Variants in EXOC4 observed in about 807,000 individuals in gnomAD.
EXOC4 encodes SEC8-like 1.
EXOC4 carries 71 observed loss-of-function variants against 107.2 expected under a neutral mutation model. The observed-to-expected ratio is 0.66, with a 90% CI of 0.55 to 0.81. The LOEUF (loss-of-function observed/expected upper bound fraction) is 0.81, where lower values mean the gene tolerates loss of function less well. Among genes scored for constraint, EXOC4 ranks in the 30% least tolerant of loss-of-function variants. The pLI is 0.00. For synonymous variants in EXOC4, 456 were observed against 441.2 expected (o/e 1.03, Z -0.42); for missense variants, 1,108 against 1,189.6 (o/e 0.93, Z 1.01).
chr7:133,278,943 A>G (rs1161717078), intron 2 of EXOC4, among the ~76,000 whole-genome samples: 3 of 152,092 alleles, frequency 2.0e-5, no homozygotes, highest in South Asian at 2.1e-4. Context: ...AGCATTAGGT[A>G]TATATCCTAA....
intron 11 of EXOC4, among the ~76,000 whole-genome samples, chr7:133,845,335 A>AGTGTGTGTGTGTGTGTGTGTGTGTGT (rs34845137): frequency 5.1e-5 from 7 of 138,012 alleles, no homozygotes; most frequent in African/African-American, 1.9e-4. Context: ...GCAGGTTAGT[A>AGTGTGTGTGTGTGTGTGTGTGTGTGT]GTGTGTGTGT....
chr7:133,931,096 G>A (rs1289530563), intron 13 of EXOC4, among the ~76,000 whole-genome samples: 3 of 151,950 alleles, frequency 2.0e-5, no homozygotes. Flanking sequence ...CTATTTTCCA[G>A]TGAGGTTTCC....
chr7:133,577,866 A>T (rs1033242194), intron 9 of EXOC4, among the ~76,000 whole-genome samples: 10 of 152,212 alleles, frequency 6.6e-5, no homozygotes, highest in African/African-American at 2.4e-4. Flanking sequence ...AAAAAAGTTA[A>T]AATCAGAAAA....
intron 7 of EXOC4, among the ~76,000 whole-genome samples, chr7:133,450,150 T>A (rs909414544): frequency 2.0e-5 from 3 of 152,018 alleles, no homozygotes; most frequent in African/African-American, 7.2e-5. Context: ...TTACTGAAAA[T>A]TTTTTGTTTC....
intron 12 of EXOC4, among the ~76,000 whole-genome samples, chr7:133,902,979 C>T (rs1799488389): frequency 6.6e-6 from 1 of 151,926 alleles, no homozygotes; most frequent in South Asian, 2.1e-4. Context: ...ATAGGATGCC[C>T]CAGGGAGGCT....
chr7:133,344,330 C>T (rs1333960736), intron 5 of EXOC4, among the ~76,000 whole-genome samples: 1 of 152,130 alleles, frequency 6.6e-6, no homozygotes, highest in Non-Finnish European at 1.5e-5. Flanking sequence ...AGGGAATTTA[C>T]CTCTGTTGCT....
chr7:133,322,261 T>G (rs181021800), intron 5 of EXOC4, among the ~76,000 whole-genome samples: 21 of 152,198 alleles, frequency 1.4e-4, no homozygotes, highest in Admixed American at 9.8e-4. Context: ...TTGTTGCCAT[T>G]GCTTTTGGTG....
At chr7:134,093,586 A>T in the EXOC4 span, among the ~76,000 whole-genome samples, 1 of 152,164 alleles carries the variant, frequency 6.6e-6, no homozygotes, top group Non-Finnish European at 1.5e-5. Flanking sequence ...TATTAGATAT[A>T]TGCAGAATAC....
intron 16 of EXOC4, 98 bp downstream of exon 16, chr7:134,005,188 A>G (rs1016713346): frequency 7.8e-7 from 1 of 1,280,950 alleles, no homozygotes; most frequent in Non-Finnish European, 1.1e-6. Context: ...TGTAGAAAAG[A>G]GTTGTTTGCT....
At chr7:133,869,762 A>G (rs990489470) in intron 11 of EXOC4, among the ~76,000 whole-genome samples, 12 of 152,220 alleles carry the variant, frequency 7.9e-5, no homozygotes, top group South Asian at 4.1e-4. Flanking sequence ...ACAGTGTTCA[A>G]TAAAACTGAA....
At chr7:133,371,120 G>T (rs572654025) in intron 6 of EXOC4, among the ~76,000 whole-genome samples, 4 of 152,200 alleles carry the variant, frequency 2.6e-5, no homozygotes, top group Non-Finnish European at 1.5e-5. Flanking sequence ...ACAACACCTC[G>T]CTTTTTGAGA....
At chr7:133,432,864 G>A (rs954936918) in intron 7 of EXOC4, among the ~76,000 whole-genome samples, 2 of 152,118 alleles carry the variant, frequency 1.3e-5, no homozygotes, top group African/African-American at 4.8e-5. Flanking sequence ...TATTGTCAAT[G>A]CCAATGTAAG....
chr7:133,414,623 GCACATGTATC>G (rs918745133), intron 7 of EXOC4, among the ~76,000 whole-genome samples: 2 of 152,086 alleles, frequency 1.3e-5, no homozygotes, highest in Non-Finnish European at 2.9e-5. Context: ...TAAACTAGTT[GCACATGTATC>G]CACATGGATA....
chr7:134,030,891 C>G (rs1795255566), intron 17 of EXOC4, among the ~76,000 whole-genome samples: 1 of 152,062 alleles, frequency 6.6e-6, no homozygotes, highest in African/African-American at 2.4e-5. Flanking sequence ...CCTGGCCTTC[C>G]AAGAAGTTTT....
intron 14 of EXOC4, among the ~76,000 whole-genome samples, chr7:133,976,459 A>G (rs889818586): frequency 1.1e-4 from 16 of 152,232 alleles, no homozygotes; most frequent in African/African-American, 3.9e-4. Context: ...GTAAAAGGTG[A>G]CAGAATACCC....
At chr7:133,637,769 A>G (rs1368517029) in intron 10 of EXOC4, among the ~76,000 whole-genome samples, 18 of 152,220 alleles carry the variant, frequency 1.2e-4, no homozygotes. Context: ...GTTAAATGCT[A>G]TAAACCTTCA....
chr7:134,075,626 T>G, the EXOC4 span, among the ~76,000 whole-genome samples: 1 of 152,124 alleles, frequency 6.6e-6, no homozygotes, highest in African/African-American at 2.4e-5. Flanking sequence ...ACTGGGTCCC[T>G]CCCACCACAC....
intron 14 of EXOC4, among the ~76,000 whole-genome samples, chr7:133,990,343 C>T (rs1333442277): frequency 2.8e-5 from 4 of 142,028 alleles, no homozygotes; most frequent in Non-Finnish European, 6.0e-5. Context: ...CTGTTCAGGT[C>T]CCACATTTGA....
intron 7 of EXOC4, among the ~76,000 whole-genome samples, chr7:133,448,676 T>C (rs1798273559): frequency 6.6e-6 from 1 of 152,178 alleles, no homozygotes; most frequent in South Asian, 2.1e-4. Flanking sequence ...AAAAGTTATG[T>C]TCAAATCCTG....
Sources: allele counts gnomAD v4.1 joint callset (sites outside exome capture counted in the v4.1 genomes callset), GRCh38; gene constraint gnomAD v4.1.1; transcripts MANE v1.5; gene names NCBI Gene and HGNC (gene_info 2026-07-23, HGNC 2026-07-21).